TTC23L: variants seen among roughly 807,000 people sequenced by gnomAD.
The protein encoded by TTC23L is tetratricopeptide repeat domain 23 like, also known as tetratricopeptide repeat protein 23-like.
A neutral mutation model predicts 48.1 loss-of-function variants in TTC23L; 42 were observed. The observed-to-expected ratio is 0.87, with a 90% CI of 0.68 to 1.13. The LOEUF (loss-of-function observed/expected upper bound fraction) is 1.13. TTC23L is among the 50% of genes most tolerant of loss of function. The pLI, the probability that TTC23L is intolerant of heterozygous loss-of-function variation, is 0.00. For missense variants in TTC23L, 391 were observed against 421.0 expected (o/e 0.93, Z 0.62); for synonymous variants, 159 against 157.2 (o/e 1.01, Z -0.09).
chr5:34,845,554 G>C (rs1399369843), exon 3 of TTC23L: 4 of 1,613,970 alleles, frequency 2.5e-6, no homozygotes, highest in Non-Finnish European at 2.5e-6. Context: ...TGGGTGTGGA[G>C]AGAGTGAAGA....
intron 7 of TTC23L, 147 bp from the exon 8 acceptor site, chr5:34,868,758 A>G (rs956314321): frequency 3.0e-6 from 2 of 670,734 alleles, no homozygotes; most frequent in Non-Finnish European, 2.6e-6. Flanking sequence ...GGAATTATAT[A>G]TTCCTTCTAC....
At chr5:34,880,268 A>T (rs1314838412) in exon 9 of TTC23L, 2 of 1,613,174 alleles carry the variant, frequency 1.2e-6, no homozygotes, top group Non-Finnish European at 1.7e-6. Flanking sequence ...AGCACCACTG[A>T]AGAATTTTGC....
At chr5:34,917,511 G>A in the TTC23L span, among the ~76,000 whole-genome samples, 1 of 151,862 alleles carries the variant, frequency 6.6e-6, no homozygotes, top group Non-Finnish European at 1.5e-5. Flanking sequence ...GCAGTGGCGG[G>A]CACCTGTAAT....
At chr5:34,884,741 T>C (rs796803871) in intron 9 of TTC23L, among the ~76,000 whole-genome samples, 1 of 152,160 alleles carries the variant, frequency 6.6e-6, no homozygotes, top group Admixed American at 6.5e-5. Flanking sequence ...GAAAGACTTA[T>C]ACACTGAAAA....
At chr5:34,855,517 A>C (rs933583921) in intron 4 of TTC23L, among the ~76,000 whole-genome samples, 1 of 152,206 alleles carries the variant, frequency 6.6e-6, no homozygotes, top group African/African-American at 2.4e-5. Flanking sequence ...CGACAGATAC[A>C]CTTATTTTTA....
exon 3 of TTC23L, chr5:34,845,596 A>G: frequency 1.9e-6 from 3 of 1,614,046 alleles, no homozygotes; most frequent in Non-Finnish European, 2.5e-6. Flanking sequence ...GGAGAAGGCC[A>G]TAGACTGTAT....
At chr5:34,852,416 G>A (rs16868398) in intron 4 of TTC23L, among the ~76,000 whole-genome samples, 8,487 of 152,186 alleles carry the variant, frequency 0.056, 684 homozygotes, top group African/African-American at 0.18. Flanking sequence ...ATATCAGGGA[G>A]TGTGGAGAGT....
chr5:34,866,868 C>G, intron 6 of TTC23L, 24 bp from the exon 7 acceptor site: 1 of 1,552,870 alleles, frequency 6.4e-7, no homozygotes, highest in Non-Finnish European at 8.7e-7. Flanking sequence ...CTGTGACTTT[C>G]TATTTTCATC....
downstream of TTC23L, among the ~76,000 whole-genome samples, chr5:34,901,190 G>A (rs1305597451): frequency 6.6e-6 from 1 of 151,404 alleles, no homozygotes; most frequent in Admixed American, 6.6e-5. Context: ...TCTAGGCAAC[G>A]CAGTTTGTGT....
In TTC23L at chr5:34,862,551, G is replaced by T. The variant is rs140419834; in HGVS notation, c.380-347G>T. ...GCATTAGTAGTAGAATCAGGAATAG[G>T]ATACTCACCTTCCATTCCTGTCTCT... On this transcript the variant is annotated intron_variant, in intron 4 of 10. Transcript: ENST00000505624. 1.2e-3 allele frequency among the ~76,000 whole-genome samples: 180 copies of T among 152,244 alleles called. No individual in the cohort carries two copies. In the Middle Eastern group the frequency reaches 0.014, roughly 12 times the overall value.
chr5:34,915,255 G>C, the TTC23L span: 1 of 300,252 alleles, frequency 3.3e-6, no homozygotes, highest in Non-Finnish European at 6.3e-6. Context: ...GTTTTGTGCA[G>C]CCCGCGCCAC....
At chr5:34,872,878 C>T (rs1235903513) in intron 8 of TTC23L, among the ~76,000 whole-genome samples, 3 of 152,072 alleles carry the variant, frequency 2.0e-5, no homozygotes, top group Admixed American at 6.5e-5. Context: ...GCCTGGCCAA[C>T]ATGGTGAAAC....
intron 10 of TTC23L, among the ~76,000 whole-genome samples, chr5:34,898,085 T>A (rs1394557013): frequency 1.3e-5 from 2 of 152,174 alleles, no homozygotes; most frequent in African/African-American, 4.8e-5. Flanking sequence ...TCAGTGTTGT[T>A]GTGAGAATAA....
chr5:34,850,373 C>T, intron 4 of TTC23L, 65 bp downstream of exon 4: 1 of 1,603,224 alleles, frequency 6.2e-7, no homozygotes, highest in Non-Finnish European at 8.5e-7. Context: ...CCCACACAAC[C>T]TCAGTGAGGA....
chr5:34,925,571 T>A, the TTC23L span: 1 of 1,260,150 alleles, frequency 7.9e-7, no homozygotes, highest in Non-Finnish European at 1.1e-6. Flanking sequence ...TTTTATTATC[T>A]AATACTATCT....
the TTC23L span, chr5:34,911,903 A>C: frequency 7.0e-7 from 1 of 1,433,538 alleles, no homozygotes; most frequent in Non-Finnish European, 9.5e-7. Context: ...CTCAAGAATA[A>C]TTTATTCCGC....
the TTC23L span, chr5:34,914,643 A>G: frequency 6.4e-7 from 1 of 1,571,364 alleles, no homozygotes; most frequent in South Asian, 1.1e-5. Context: ...GATTTCATTA[A>G]ATTACATTTA....
intron 9 of TTC23L, among the ~76,000 whole-genome samples, chr5:34,891,767 A>G (rs568774467): frequency 6.6e-6 from 1 of 152,306 alleles, no homozygotes; most frequent in African/African-American, 2.4e-5. Flanking sequence ...GAATGAATCT[A>G]ATTCTTCGGT....
chr5:34,866,737 G>T (rs1761073565), intron 6 of TTC23L, among the ~76,000 whole-genome samples, 155 bp from the exon 7 acceptor site: 1 of 152,182 alleles, frequency 6.6e-6, no homozygotes, highest in Admixed American at 6.5e-5. Context: ...CAGGATAATT[G>T]GAGTTTATTT....
Sources: gnomAD v4.1 joint callset for allele counts (sites outside exome capture counted in the v4.1 genomes callset) on GRCh38, gnomAD v4.1.1 for gene constraint, MANE v1.5 for transcripts, NCBI Gene and HGNC (gene_info 2026-07-23, HGNC 2026-07-21) for gene names.